ZNF366: variants seen among roughly 807,000 people sequenced by gnomAD.
ZNF366 encodes dendritic cell-specific transcript protein.
Under a neutral mutation model 47.2 loss-of-function variants are expected in ZNF366, and 20 were observed. The observed-to-expected ratio is 0.42, with a 90% CI of 0.30 to 0.62. The LOEUF is 0.62. Ranked by LOEUF, ZNF366 falls within the 20% of genes least tolerant of loss-of-function variation. The pLI is 0.16. For missense variants in ZNF366, 987 were observed against 976.3 expected, an observed-to-expected ratio of 1.01 and a Z score of -0.15; for synonymous variants, 421 against 395.1, an observed-to-expected ratio of 1.07 and a Z score of -0.78.
intron 4 of ZNF366, 28 bp downstream of exon 4, chr5:72,447,215 T>A: frequency 6.2e-7 from 1 of 1,612,484 alleles, no homozygotes; most frequent in Non-Finnish European, 8.5e-7. Flanking sequence ...CTGGACTGAC[T>A]TGCAGGGCTT....
chr5:72,449,185 AG>A (rs1278882063), intron 3 of ZNF366, among the ~76,000 whole-genome samples: 2 of 151,888 alleles, frequency 1.3e-5, no homozygotes, highest in African/African-American at 2.4e-5. Context: ...CATGTATAAA[AG>A]TTCTATTAGA....
intron 1 of ZNF366, among the ~76,000 whole-genome samples, chr5:72,487,028 G>T (rs2112348438): frequency 6.6e-6 from 1 of 152,214 alleles, no homozygotes. Flanking sequence ...ACCCGCCTTG[G>T]CCTCCCAAAG....
chr5:72,480,781 A>G (rs1175426790), intron 1 of ZNF366, among the ~76,000 whole-genome samples: 1 of 152,198 alleles, frequency 6.6e-6, no homozygotes, highest in African/African-American at 2.4e-5. Context: ...ATACAAGCAA[A>G]TTCAATCTAG....
At position 72,440,213 on chromosome 5, in the gene ZNF366, G is replaced by GA. The variant is rs1193695671; in HGVS notation, c.*3542_*3543insT. ...ATGCGTTCAGGGCTTAATAAATACA[G>GA]TATGCACATTGAGCTTTCTCATGCA... On this transcript the variant is annotated 3_prime_UTR_variant, in exon 5 of 5. Coordinates refer to ENST00000318442, the MANE Select transcript of ZNF366 (RefSeq NM_152625.3). 1 of 152,164 alleles carries GA rather than the reference G, an allele frequency of 6.6e-6. No individual in the cohort carries two copies. The highest frequency in any genetic ancestry group is 6.5e-5 in the Admixed American group (1 of 15,274). The allele number at this position is 152,164 out of a possible 1,614,324, so 9.4% of individuals were successfully genotyped here. A position where few individuals can be genotyped will look rare whatever the true frequency, so the allele number is the denominator to read the frequency against.
intron 3 of ZNF366, among the ~76,000 whole-genome samples, chr5:72,449,900 C>G (rs991631274): frequency 6.6e-6 from 1 of 152,100 alleles, no homozygotes; most frequent in African/African-American, 2.4e-5. Context: ...GGGAGAGAAG[C>G]TGAAGGCCAG....
chr5:72,457,116 A>C (rs1743208071), intron 2 of ZNF366, among the ~76,000 whole-genome samples: 1 of 152,142 alleles, frequency 6.6e-6, no homozygotes, highest in South Asian at 2.1e-4. Flanking sequence ...CTTGATAATC[A>C]CCCTCTCAAG....
At chr5:72,476,567 G>A (rs1213379956) in intron 1 of ZNF366, among the ~76,000 whole-genome samples, 3 of 152,156 alleles carry the variant, frequency 2.0e-5, no homozygotes. Context: ...ACTAATGGTG[G>A]GGTGTTGGAG....
intron 1 of ZNF366, among the ~76,000 whole-genome samples, chr5:72,465,041 G>C (rs1743402223): frequency 6.6e-6 from 1 of 152,020 alleles, no homozygotes; most frequent in South Asian, 2.1e-4. Context: ...CTGGGTGACA[G>C]AGCAAGACTC....
intron 1 of ZNF366, among the ~76,000 whole-genome samples, chr5:72,469,643 T>C (rs1352493557): frequency 1.3e-5 from 2 of 152,204 alleles, no homozygotes; most frequent in Non-Finnish European, 2.9e-5. Flanking sequence ...AGCAAGAATA[T>C]TGTGGGGGCA....
At chr5:72,495,061 C>T (rs1462613004) in intron 1 of ZNF366, among the ~76,000 whole-genome samples, 1 of 152,068 alleles carries the variant, frequency 6.6e-6, no homozygotes, top group Non-Finnish European at 1.5e-5. Flanking sequence ...AAGTTTCCCT[C>T]ATTGATGTTG....
At chr5:72,481,331 AT>A (rs1580248124) in intron 1 of ZNF366, among the ~76,000 whole-genome samples, 2 of 152,206 alleles carry the variant, frequency 1.3e-5, no homozygotes, top group African/African-American at 4.8e-5. Context: ...AAGAAAGAAA[AT>A]TAAAATAATC....
intron 3 of ZNF366, among the ~76,000 whole-genome samples, chr5:72,455,426 A>G (rs1743157853): frequency 6.6e-6 from 1 of 151,598 alleles, no homozygotes; most frequent in South Asian, 2.1e-4. Context: ...GAGAGAAAAA[A>G]CCTCCATTTC....
intron 4 of ZNF366, among the ~76,000 whole-genome samples, chr5:72,446,820 G>A (rs1201864959): frequency 6.6e-6 from 1 of 152,214 alleles, no homozygotes; most frequent in African/African-American, 2.4e-5. Context: ...AATAAAGGCT[G>A]CACAGTCAGA....
At position 72,447,404 on chromosome 5, in the gene ZNF366, T is replaced by C; in HGVS notation, c.1538A>G (p.Glu513Gly). Residue 513 changes from glutamate (E) to glycine (G), a missense_variant, in exon 4 of 5, where the codon GAA (glutamate) becomes GGA (glycine). This residue lies in a region of ZNF366 where 111 missense variants were observed against 180.5 expected (regional missense o/e 0.61). Coordinates refer to ENST00000318442, the MANE Select transcript of ZNF366 (RefSeq NM_152625.3). Reference protein sequence around the residue: ...KPFKCKLCGKEFNRMHNLMGH... With the variant: ...KPFKCKLCGKGFNRMHNLMGH... ...CATCAGGTTGTGCATCCGGTTGAAT[T>C]CCTTCCCACAAAGCTGTTGAAGATG... is the stretch of plus-strand genomic sequence containing the variant. 1 of 1,614,180 alleles carries C rather than the reference T, an allele frequency of 6.2e-7. No individual in the cohort carries two copies. The highest frequency in any genetic ancestry group is 8.5e-7 in the Non-Finnish European group (1 of 1,180,022).
Position 72,444,014 on chromosome 5 carries a change from C to T in ZNF366, c.1977G>A (p.Leu659=), listed in dbSNP as rs1271324259. The T allele has an allele frequency of 6.2e-7, 1 of 1,614,200 alleles. No homozygotes were observed. The highest frequency in any genetic ancestry group is 1.7e-5 in the Admixed American group (1 of 60,030). ...CCTTCTCCTCCTTGCAGGCTTCCTC[C>T]AGCACCTCGGGGGCGTGCTCCGACT... is the stretch of plus-strand genomic sequence containing the variant. ...STKSEHAPEV[L]EEACKEEKED... The change falls in exon 5 of 5, where the codon CTG becomes CTA. Residue 659 remains leucine, a synonymous_variant. Coordinates refer to ENST00000318442, the MANE Select transcript of ZNF366 (RefSeq NM_152625.3).
chr5:72,444,137 C>G lies in ZNF366; in HGVS notation c.1854G>C (p.Glu618Asp), dbSNP rs766354729. ...CGTAGCAGTTATCCTCCTCTTCCTCCTCGTGGCAGTGGCTGCCCTGGGCAC... is the reference window on the plus strand; with the variant it reads ...CGTAGCAGTTATCCTCCTCTTCCTCGTCGTGGCAGTGGCTGCCCTGGGCAC... ...GESAQGSHCH[E>D]EEEEDNCYEV... Residue 618 changes from glutamate (E) to aspartate (D), a missense_variant, in exon 5 of 5, where the codon GAG (glutamate) becomes GAC (aspartate). By Grantham distance (45) the Glu-to-Asp change is conservative (BLOSUM62 2). This residue lies in a region of ZNF366 where 285 missense variants were observed against 234.8 expected (regional missense o/e 1.21). Coordinates refer to ENST00000318442, the MANE Select transcript of ZNF366 (RefSeq NM_152625.3). The G allele has an allele frequency of 6.2e-7, 1 of 1,613,894 alleles. No homozygotes were observed. Among genetic ancestry groups the G allele is most frequent in the East Asian group, 2.2e-5 (1 of 44,876 alleles).
At chr5:72,484,379 G>T (rs937621317) in intron 1 of ZNF366, among the ~76,000 whole-genome samples, 2 of 149,432 alleles carry the variant, frequency 1.3e-5, no homozygotes, top group African/African-American at 2.4e-5. Flanking sequence ...AGCTACTCGG[G>T]AGGCTGAGGC....
At chr5:72,478,169 G>T (rs367852075) in intron 1 of ZNF366, among the ~76,000 whole-genome samples, 2 of 152,254 alleles carry the variant, frequency 1.3e-5, no homozygotes, top group East Asian at 1.9e-4. Flanking sequence ...TTTGTGAGCT[G>T]GGCAGTGAAA....
intron 1 of ZNF366, among the ~76,000 whole-genome samples, chr5:72,483,652 C>T (rs924872505): frequency 6.6e-6 from 1 of 152,182 alleles, no homozygotes; most frequent in Non-Finnish European, 1.5e-5. Flanking sequence ...TGGGGGCTCT[C>T]CTTGAATCAC....
Sources: gnomAD v4.1 joint callset for allele counts (sites outside exome capture counted in the v4.1 genomes callset) on GRCh38, gnomAD v4.1.1 for gene constraint, gnomAD v4.1.1 regional missense constraint, MANE v1.5 for transcripts, NCBI Gene and HGNC (gene_info 2026-07-23, HGNC 2026-07-21) for gene names.